ARHGEF28: variants seen among roughly 807,000 people sequenced by gnomAD.
ARHGEF28 encodes the protein 190 kDa guanine nucleotide exchange factor.
A neutral mutation model predicts 206.6 loss-of-function variants in ARHGEF28; 152 were observed. That is an observed-to-expected ratio of 0.74 (90% confidence interval 0.64 to 0.84). The LOEUF (loss-of-function observed/expected upper bound fraction) is 0.84. ARHGEF28 is among the 40% of genes least tolerant of loss of function. ARHGEF28 has a pLI of 0.00. For missense variants in ARHGEF28, 2,028 were observed against 2,073.2 expected, an observed-to-expected ratio of 0.98 and a Z score of 0.42; for synonymous variants, 763 against 776.4, an observed-to-expected ratio of 0.98 and a Z score of 0.29.
At position 73,865,210 on chromosome 5, in the gene ARHGEF28, C is replaced by G. The variant is rs569176425; in HGVS notation, c.2103+338C>G. ...TGCAAGCCTCACAGTCACTGGAAGA[C>G]CTGTGACTACACAGATTTCTGGGCC... On this transcript the variant is annotated intron_variant, in intron 17 of 35. Coordinates refer to ENST00000513042, the MANE Select transcript of ARHGEF28 (RefSeq NM_001177693.2). Among the ~76,000 whole-genome samples the G allele has an allele frequency of 2.6e-5, 4 of 152,272 alleles. No homozygotes were observed. In the South Asian group the frequency reaches 8.3e-4, roughly 32 times the overall value.
chr5:73,907,896 G>C (rs960393501), intron 33 of ARHGEF28, among the ~76,000 whole-genome samples: 1 of 152,138 alleles, frequency 6.6e-6, no homozygotes, highest in Admixed American at 6.5e-5. Context: ...TAACTCTTAC[G>C]TGAGAGTTAT....
intron 5 of ARHGEF28, among the ~76,000 whole-genome samples, chr5:73,774,865 G>T (rs1335752922): frequency 1.3e-5 from 2 of 152,162 alleles, no homozygotes; most frequent in Admixed American, 1.3e-4. Context: ...TAGAGTAAAT[G>T]CTACATAAAT....
chr5:73,913,437 A>G (rs905418475), intron 35 of ARHGEF28, among the ~76,000 whole-genome samples: 1 of 152,236 alleles, frequency 6.6e-6, no homozygotes, highest in East Asian at 1.9e-4. Context: ...AATAGGATAT[A>G]TACACTTAAA....
intron 35 of ARHGEF28, among the ~76,000 whole-genome samples, chr5:73,915,553 T>G (rs1763162517): frequency 6.6e-6 from 1 of 152,156 alleles, no homozygotes. Flanking sequence ...TATTTGAATT[T>G]CCTTAAACAA....
intron 2 of ARHGEF28, among the ~76,000 whole-genome samples, chr5:73,719,748 T>C (rs1749818074): frequency 1.3e-5 from 2 of 152,198 alleles, no homozygotes; most frequent in Non-Finnish European, 2.9e-5. Context: ...AGTTTGAAAA[T>C]ATGTGCATAG....
In ARHGEF28 at chr5:73,818,191, C is replaced by T. The variant is rs111497036; in HGVS notation, c.1025-14147C>T. ...GATACAGTTAGAGAGATTAGGCATG[C>T]GGGGAATGGAGACCTAAGACCCTGA... On this transcript the variant is annotated intron_variant, in intron 9 of 35. Transcript: ENST00000513042. 4.0e-3 allele frequency among the ~76,000 whole-genome samples: 615 copies of T among 152,024 alleles called. 4 individuals are homozygous for T. The highest frequency in any genetic ancestry group is 0.014 in the African/African-American group (562 of 41,462).
Position 73,940,905 on chromosome 5 carries a change from A to C in ARHGEF28, c.5010A>C (p.Gln1670His), listed in dbSNP as rs941999210. ...ATGACTCAAATTCACACCGCCCTCA[A>C]CTGCAGGCGTTTATAACAGAAGCAA... is the stretch of plus-strand genomic sequence containing the variant. ...TPHDSNSHRP[Q>H]LQAFITEAKL... is the part of the protein sequence containing the mutation. The change falls in exon 36 of 36, where the codon CAA (glutamine) becomes CAC (histidine). Residue 1670 changes from glutamine to histidine, a missense_variant. Transcript: ENST00000513042. The C allele has an allele frequency of 1.3e-6, 2 of 1,534,400 alleles. No homozygotes were observed. Among genetic ancestry groups the C allele is most frequent in the Non-Finnish European group, 1.7e-6 (2 of 1,146,550 alleles).
chr5:73,909,479 T>G lies in ARHGEF28; in HGVS notation c.4229T>G (p.Leu1410Arg), dbSNP rs748926669. The G allele has an allele frequency of 1.3e-5, 21 of 1,612,644 alleles. No homozygotes were observed. In the Admixed American group the frequency reaches 2.0e-4, roughly 15 times the overall value. Residue 1410 changes from leucine (L) to arginine (R), a missense_variant, in exon 34 of 36, where the codon CTG becomes CGG. Leu to Arg is a moderately radical substitution (Grantham distance 102). Around this residue, in one of 3 missense-constraint regions of ARHGEF28, gnomAD observed 803 missense variants for 768.0 expected, o/e 1.05. Coordinates refer to ENST00000513042, the MANE Select transcript of ARHGEF28 (RefSeq NM_001177693.2). ...CTGGTTCTCCAGCAGCAGGAGGGCC[T>G]GTCTCTCGGCCACTCTATCCTCCGA... ...HRLVLQQQEG[L>R]SLGHSILRGG...
At chr5:73,934,330 A>T (rs1366311371) in intron 35 of ARHGEF28, among the ~76,000 whole-genome samples, 1 of 152,164 alleles carries the variant, frequency 6.6e-6, no homozygotes, top group Non-Finnish European at 1.5e-5. Context: ...GGTGTTGTAA[A>T]TTGCATCTCA....
At chr5:73,786,849 T>A (rs1025296058) in intron 7 of ARHGEF28, among the ~76,000 whole-genome samples, 5 of 152,184 alleles carry the variant, frequency 3.3e-5, no homozygotes, top group Non-Finnish European at 7.3e-5. Context: ...ATGGTAAAGA[T>A]ACGTGTTTTG....
Position 73,683,634 on chromosome 5 carries a change from G to T in ARHGEF28, c.-11-1207G>T, listed in dbSNP as rs142237886. Among the ~76,000 whole-genome samples, 546 of 151,998 alleles carry T rather than the reference G, an allele frequency of 3.6e-3. 3 individuals carry two copies. Among genetic ancestry groups the T allele is most frequent in the African/African-American group, 0.013 (520 of 41,440 alleles). On this transcript the variant is annotated intron_variant, in intron 1 of 35. Coordinates refer to ENST00000513042, the MANE Select transcript of ARHGEF28 (RefSeq NM_001177693.2). The stretch of plus-strand genomic sequence containing the variant: ...CTGTTTTTAAAGGGGCAGGCACACC[G>T]AGAGGCAGATCCAGGTGCACACACC...
intron 2 of ARHGEF28, among the ~76,000 whole-genome samples, chr5:73,728,667 G>A (rs149459097): frequency 0.014 from 2,074 of 152,236 alleles, 64 homozygotes; most frequent in African/African-American, 0.047. Context: ...TGAATGTTCT[G>A]GCCAAAGAGA....
At chr5:73,628,294 A>G (rs1743131594) in intron 1 of ARHGEF28, among the ~76,000 whole-genome samples, 1 of 152,086 alleles carries the variant, frequency 6.6e-6, no homozygotes, top group Non-Finnish European at 1.5e-5. Context: ...AGCATATACT[A>G]TTACTTCTAT....
At chr5:73,686,148 G>C (rs1395128341) in intron 2 of ARHGEF28, among the ~76,000 whole-genome samples, 4 of 152,102 alleles carry the variant, frequency 2.6e-5, no homozygotes, top group Non-Finnish European at 5.9e-5. Context: ...TCTAGGTTGT[G>C]ATTTTCAGGC....
intron 23 of ARHGEF28, 129 bp from the exon 24 acceptor site, chr5:73,883,638 T>C (rs1580046418): frequency 2.0e-6 from 1 of 510,122 alleles, no homozygotes; most frequent in East Asian, 3.3e-5. Flanking sequence ...ATGCATCGTT[T>C]TAATTGATAG....
intron 2 of ARHGEF28, among the ~76,000 whole-genome samples, chr5:73,741,385 G>GTATA (rs67973637): frequency 6.9e-4 from 15 of 21,820 alleles, no homozygotes; most frequent in African/African-American, 1.8e-3. Flanking sequence ...GTGTGTGTGT[G>GTATA]TATATATATA....
chr5:73,935,120 A>G (rs1764346539), intron 35 of ARHGEF28, among the ~76,000 whole-genome samples: 1 of 152,166 alleles, frequency 6.6e-6, no homozygotes, highest in African/African-American at 2.4e-5. Context: ...TCTTCTCAGC[A>G]TTGCTTATAT....
rs539226684 is a variant in ARHGEF28 at position 73,878,424 on chromosome 5, A to T, written c.2815-4048A>T. Reference sequence around the variant, plus strand: ...TAATTGGAGCATTTAGTCCATTTACATTTAAAGTTAATACTGTTATGTGTG... The same window carrying T: ...TAATTGGAGCATTTAGTCCATTTACTTTTAAAGTTAATACTGTTATGTGTG... On this transcript the variant is annotated intron_variant, in intron 22 of 35. Coordinates refer to ENST00000513042, the MANE Select transcript of ARHGEF28 (RefSeq NM_001177693.2). Among the ~76,000 whole-genome samples the T allele has an allele frequency of 2.6e-5, 4 of 152,026 alleles. No individual in the cohort carries two copies. In the East Asian group the frequency reaches 7.8e-4, roughly 30 times the overall value.
intron 9 of ARHGEF28, among the ~76,000 whole-genome samples, chr5:73,822,721 CAA>C (rs1756673978): frequency 6.6e-6 from 1 of 152,168 alleles, no homozygotes; most frequent in South Asian, 2.1e-4. Flanking sequence ...CTGCTGAGCT[CAA>C]GTGATCCTCC....
Sources: allele counts gnomAD v4.1 joint callset (sites outside exome capture counted in the v4.1 genomes callset), GRCh38; gene constraint gnomAD v4.1.1; regional missense constraint gnomAD v4.1.1; transcripts MANE v1.5; gene names NCBI Gene and HGNC (gene_info 2026-07-23, HGNC 2026-07-21).